The following KCNMA1 variants were observed in gnomAD, a reference collection of about 807,000 sequenced individuals.
The protein encoded by KCNMA1 is potassium calcium-activated channel subfamily M alpha 1, also known as Calcium-activated potassium channel subunit alpha-1.
A neutral mutation model predicts 140.0 loss-of-function variants in KCNMA1; 29 were observed. The observed-to-expected ratio is 0.21, with a 90% CI of 0.15 to 0.28. The LOEUF (loss-of-function observed/expected upper bound fraction) is 0.28, where lower values mean the gene tolerates loss of function less well. Ranked by LOEUF, KCNMA1 falls within the 10% of genes least tolerant of loss-of-function variation. KCNMA1 has a pLI of 1.00. For synonymous variants in KCNMA1, 612 were observed against 611.9 expected, an observed-to-expected ratio of 1.00 and a Z score of 0.00; for missense variants, 880 against 1,602.2, an observed-to-expected ratio of 0.55 and a Z score of 7.70.
At chr10:77,175,651 A>G (rs899369139) in intron 5 of KCNMA1, among the ~76,000 whole-genome samples, 1 of 152,182 alleles carries the variant, frequency 6.6e-6, no homozygotes, top group African/African-American at 2.4e-5. Flanking sequence ...AATTCATTCC[A>G]ATGGATGAGA....
At chr10:77,326,421 A>T (rs1313139102) in intron 2 of KCNMA1, among the ~76,000 whole-genome samples, 1 of 152,170 alleles carries the variant, frequency 6.6e-6, no homozygotes, top group Non-Finnish European at 1.5e-5. Flanking sequence ...TTTGCCATAA[A>T]TTTTAAATTA....
chr10:77,537,186 C>G (rs1340686580), intron 1 of KCNMA1, among the ~76,000 whole-genome samples: 1 of 152,216 alleles, frequency 6.6e-6, no homozygotes, highest in Non-Finnish European at 1.5e-5. Context: ...CCCAAGACTT[C>G]TGAATGCTCC....
chr10:77,442,607 G>A (rs1169654432), intron 1 of KCNMA1, among the ~76,000 whole-genome samples: 2 of 152,096 alleles, frequency 1.3e-5, no homozygotes, highest in Non-Finnish European at 2.9e-5. Flanking sequence ...TCTAGGGACT[G>A]CTTATGAGGA....
At chr10:77,348,926 A>G (rs554181251) in intron 2 of KCNMA1, among the ~76,000 whole-genome samples, 1 of 152,352 alleles carries the variant, frequency 6.6e-6, no homozygotes, top group East Asian at 1.9e-4. Flanking sequence ...TCTTTCTCTG[A>G]GCAAATCTAA....
chr10:77,461,213 G>A (rs959242229), intron 1 of KCNMA1, among the ~76,000 whole-genome samples: 4 of 142,644 alleles, frequency 2.8e-5, no homozygotes, highest in Middle Eastern at 3.6e-3. Flanking sequence ...TAACAAAACC[G>A]CACTTGTACT....
At chr10:77,481,048 G>C (rs1349571571) in intron 1 of KCNMA1, among the ~76,000 whole-genome samples, 2 of 151,576 alleles carry the variant, frequency 1.3e-5, no homozygotes, top group African/African-American at 2.4e-5. Flanking sequence ...AACCTGGAAG[G>C]GGGAGGTTCC....
At chr10:77,097,178 C>T (rs1180936848) in intron 9 of KCNMA1, among the ~76,000 whole-genome samples, 1 of 152,202 alleles carries the variant, frequency 6.6e-6, no homozygotes, top group Admixed American at 6.5e-5. Context: ...ATGCAGGTTT[C>T]CCTGATTTGG....
chr10:77,566,583 TG>T (rs2068414387), intron 1 of KCNMA1, among the ~76,000 whole-genome samples: 1 of 152,106 alleles, frequency 6.6e-6, no homozygotes, highest in Non-Finnish European at 1.5e-5. Flanking sequence ...CCCGCAAAGG[TG>T]GGCACTACTC....
intron 2 of KCNMA1, among the ~76,000 whole-genome samples, chr10:77,367,716 A>G (rs1603429674): frequency 6.6e-6 from 1 of 152,164 alleles, no homozygotes; most frequent in South Asian, 2.1e-4. Flanking sequence ...CACACCTATC[A>G]CCCCTACCCA....
intron 1 of KCNMA1, among the ~76,000 whole-genome samples, chr10:77,455,164 C>T (rs1421516916): frequency 1.3e-5 from 2 of 152,190 alleles, no homozygotes; most frequent in Admixed American, 6.5e-5. Flanking sequence ...CTACCATGTG[C>T]TTGGCAATAC....
At chr10:77,412,550 G>A (rs2096642671) in intron 1 of KCNMA1, among the ~76,000 whole-genome samples, 1 of 152,200 alleles carries the variant, frequency 6.6e-6, no homozygotes, top group Non-Finnish European at 1.5e-5. Context: ...CCCTGGGCCA[G>A]TCACCTAACC....
intron 1 of KCNMA1, among the ~76,000 whole-genome samples, chr10:77,524,389 C>T (rs957431197): frequency 6.6e-6 from 1 of 152,204 alleles, no homozygotes; most frequent in Non-Finnish European, 1.5e-5. Flanking sequence ...AGAGTTTGCT[C>T]TTCAGCCTCA....
chr10:77,178,449 G>A (rs2098772816), intron 5 of KCNMA1, among the ~76,000 whole-genome samples: 1 of 152,198 alleles, frequency 6.6e-6, no homozygotes, highest in Non-Finnish European at 1.5e-5. Flanking sequence ...GCTCACACTT[G>A]TAATCCCAGC....
chr10:76,973,204 A>T (rs1056834641), intron 19 of KCNMA1: 6 of 152,152 alleles, frequency 3.9e-5, no homozygotes, highest in African/African-American at 9.7e-5. Flanking sequence ...TGAAGATATG[A>T]TCCTTTAAAG....
intron 5 of KCNMA1, among the ~76,000 whole-genome samples, chr10:77,144,088 A>T (rs955052858): frequency 3.9e-5 from 6 of 152,198 alleles, no homozygotes; most frequent in African/African-American, 1.2e-4. Context: ...CCAAGAAAAA[A>T]AAATATATGT....
intron 2 of KCNMA1, among the ~76,000 whole-genome samples, chr10:77,346,804 A>G (rs1011265488): frequency 1.3e-5 from 2 of 152,178 alleles, no homozygotes; most frequent in Non-Finnish European, 2.9e-5. Flanking sequence ...GTCCTGGTGA[A>G]ATGGCATTAT....
chr10:77,167,265 C>T lies in KCNMA1; in HGVS notation c.808+16156G>A, dbSNP rs114900993. On this transcript the variant is annotated intron_variant, in intron 5 of 27. Transcript: ENST00000286628. ...GCTTGGATTATTTCACTTAACACAA[C>T]GACCTCCAGTTCCATCCACGGTGCC... Among the ~76,000 whole-genome samples the T allele has an allele frequency of 7.2e-3, 1,094 of 152,204 alleles. 11 individuals carry two copies. Among genetic ancestry groups the T allele is most frequent in the African/African-American group, 0.025 (1,028 of 41,528 alleles).
chr10:77,634,698 T>C, intron 1 of KCNMA1: 3 of 976,282 alleles, frequency 3.1e-6, no homozygotes, highest in Non-Finnish European at 3.7e-6. Flanking sequence ...ATTATTATTC[T>C]AAGCTTAAGC....
intron 23 of KCNMA1, among the ~76,000 whole-genome samples, chr10:76,942,182 C>T (rs74692819): frequency 0.038 from 5,744 of 152,070 alleles, 189 homozygotes; most frequent in East Asian, 0.083. Context: ...CCATGTTGGC[C>T]AAGTGGTCTC....
Sources: allele counts gnomAD v4.1 joint callset (sites outside exome capture counted in the v4.1 genomes callset), GRCh38; gene constraint gnomAD v4.1.1; transcripts MANE v1.5; gene names NCBI Gene and HGNC (gene_info 2026-07-23, HGNC 2026-07-21).